ATOSA: variants seen among roughly 807,000 people sequenced by gnomAD.
ATOSA encodes atos homolog A.
the ATOSA span, among the ~76,000 whole-genome samples, chr15:52,669,443 T>C: frequency 3.3e-5 from 5 of 152,208 alleles, no homozygotes; most frequent in African/African-American, 1.2e-4. Context: ...CTTACTGTTA[T>C]AAATTTAAGT....
the ATOSA span, among the ~76,000 whole-genome samples, chr15:52,648,431 A>G: frequency 2.6e-5 from 4 of 152,156 alleles, no homozygotes; most frequent in South Asian, 2.1e-4. Context: ...GGTAACTGGA[A>G]TATCCATCAC....
At chr15:52,594,308 C>T in the ATOSA span, among the ~76,000 whole-genome samples, 1 of 152,104 alleles carries the variant, frequency 6.6e-6, no homozygotes, top group Non-Finnish European at 1.5e-5. Flanking sequence ...TTTAGAAGTA[C>T]AGAAATAGTA....
chr15:52,670,989 T>C, the ATOSA span, among the ~76,000 whole-genome samples: 2 of 152,158 alleles, frequency 1.3e-5, no homozygotes, highest in African/African-American at 4.8e-5. Flanking sequence ...CTTTCTTATA[T>C]TCATAAACCT....
the ATOSA span, among the ~76,000 whole-genome samples, chr15:52,625,992 CAG>C: frequency 6.6e-6 from 1 of 152,204 alleles, no homozygotes; most frequent in African/African-American, 2.4e-5. Flanking sequence ...TATCAACTTT[CAG>C]AGGGCAGTTA....
chr15:52,605,442 G>A, the ATOSA span, among the ~76,000 whole-genome samples: 1 of 152,042 alleles, frequency 6.6e-6, no homozygotes, highest in South Asian at 2.1e-4. Context: ...TTTTTTTTCT[G>A]ATTTTGGAGT....
At chr15:52,671,773 C>T in the ATOSA span, among the ~76,000 whole-genome samples, 1 of 151,450 alleles carries the variant, frequency 6.6e-6, no homozygotes, top group Non-Finnish European at 1.5e-5. Context: ...AACAAGGAGA[C>T]ACCAATGTGA....
chr15:52,650,338 C>G, the ATOSA span, among the ~76,000 whole-genome samples: 1 of 152,148 alleles, frequency 6.6e-6, no homozygotes, highest in Non-Finnish European at 1.5e-5. Context: ...ATTTTTATAA[C>G]TTCTATCAAA....
At chr15:52,607,534 G>A in the ATOSA span, among the ~76,000 whole-genome samples, 1 of 152,192 alleles carries the variant, frequency 6.6e-6, no homozygotes, top group Admixed American at 6.5e-5. Flanking sequence ...CTGGGGTGGG[G>A]GCGCCAGTTG....
the ATOSA span, among the ~76,000 whole-genome samples, chr15:52,666,801 T>A: frequency 1.3e-5 from 2 of 152,034 alleles, no homozygotes; most frequent in African/African-American, 4.8e-5. Flanking sequence ...TATATTCCTG[T>A]TGGGGAGAGG....
At chr15:52,659,062 C>A in the ATOSA span, among the ~76,000 whole-genome samples, 1 of 152,142 alleles carries the variant, frequency 6.6e-6, no homozygotes, top group African/African-American at 2.4e-5. Context: ...CTCTCTTACT[C>A]CTCTGGGCCA....
the ATOSA span, chr15:52,582,079 G>A: frequency 8.3e-7 from 1 of 1,211,442 alleles, no homozygotes; most frequent in Non-Finnish European, 1.1e-6. Context: ...TTGTTAATTT[G>A]GTACACTCCA....
At chr15:52,601,713 A>C in the ATOSA span, among the ~76,000 whole-genome samples, 2 of 152,124 alleles carry the variant, frequency 1.3e-5, no homozygotes, top group Middle Eastern at 3.2e-3. Flanking sequence ...ATTACATTTA[A>C]AGCAAAACAC....
the ATOSA span, among the ~76,000 whole-genome samples, chr15:52,694,668 A>C: frequency 6.6e-6 from 1 of 151,384 alleles, no homozygotes; most frequent in Admixed American, 6.6e-5. Context: ...TTTTTAATTA[A>C]AAAAAAATAC....
chr15:52,629,176 A>G, the ATOSA span, among the ~76,000 whole-genome samples: 12 of 152,178 alleles, frequency 7.9e-5, no homozygotes, highest in African/African-American at 1.2e-4. Flanking sequence ...AAAAAATTCA[A>G]TATCACGTTA....
chr15:52,687,877 A>G, the ATOSA span, among the ~76,000 whole-genome samples: 1 of 152,208 alleles, frequency 6.6e-6, no homozygotes, highest in Non-Finnish European at 1.5e-5. Flanking sequence ...AATTGCCCTA[A>G]TGAAGAGAAT....
chr15:52,586,475 T>C, the ATOSA span: 1 of 152,262 alleles, frequency 6.6e-6, no homozygotes, highest in East Asian at 1.9e-4. Context: ...CTAGACTCTC[T>C]TTCAGTCTGC....
At chr15:52,596,690 C>T in the ATOSA span, among the ~76,000 whole-genome samples, 1 of 152,190 alleles carries the variant, frequency 6.6e-6, no homozygotes. Flanking sequence ...TTCTGCTAAA[C>T]ATCCCACAAT....
the ATOSA span, among the ~76,000 whole-genome samples, chr15:52,655,823 C>T: frequency 1.3e-5 from 2 of 152,208 alleles, no homozygotes; most frequent in East Asian, 3.9e-4. Flanking sequence ...AATTCAAGCT[C>T]TTTCCACTTA....
chr15:52,628,935 G>A, the ATOSA span, among the ~76,000 whole-genome samples: 1 of 152,134 alleles, frequency 6.6e-6, no homozygotes, highest in Non-Finnish European at 1.5e-5. Flanking sequence ...CTGAAGCTAA[G>A]GAAGGTAAAT....
Sources: gnomAD v4.1 joint callset for allele counts (sites outside exome capture counted in the v4.1 genomes callset) on GRCh38, gnomAD v4.1.1 for gene constraint, MANE v1.5 for transcripts, NCBI Gene and HGNC (gene_info 2026-07-23, HGNC 2026-07-21) for gene names.